ZNF202: variants seen among roughly 807,000 people sequenced by gnomAD.
The protein encoded by ZNF202 is zinc finger protein 202.
A neutral mutation model predicts 54.5 loss-of-function variants in ZNF202; 22 were observed. The observed-to-expected ratio is 0.40, with a 90% CI of 0.29 to 0.58. ZNF202 has a LOEUF of 0.58. Among genes scored for constraint, ZNF202 ranks in the 20% least tolerant of loss-of-function variants. The probability of loss-of-function intolerance (pLI) is 0.39; values close to 1 mark genes in which losing one functional copy is unlikely to be tolerated. For synonymous variants in ZNF202, 294 were observed against 301.4 expected (o/e 0.98, Z 0.26); for missense variants, 644 against 805.5 (o/e 0.80, Z 2.43).
chr11:123,734,345 A>C (rs1791715), intron 3 of ZNF202, among the ~76,000 whole-genome samples: 103,658 of 151,998 alleles, frequency 0.68, 35,539 homozygotes, highest in Middle Eastern at 0.82. Context: ...ATACACAAAG[A>C]CCTTCAAAAG....
chr11:123,734,380 T>G (rs1861544583), intron 3 of ZNF202, among the ~76,000 whole-genome samples: 1 of 152,234 alleles, frequency 6.6e-6, no homozygotes, highest in Non-Finnish European at 1.5e-5. Flanking sequence ...CTCTCCTTCC[T>G]TCCATGACTG....
chr11:123,740,355 C>A (rs1939924), intron 2 of ZNF202, 62 bp downstream of exon 2: 150,562 of 152,466 alleles, frequency 0.99, 74,348 homozygotes, highest in Middle Eastern at 1. Flanking sequence ...AAAGTTATCC[C>A]AGACTGCTCC....
chr11:123,727,404 C>A (rs1412102971), intron 8 of ZNF202, 72 bp downstream of exon 8: 1 of 1,596,622 alleles, frequency 6.3e-7, no homozygotes, highest in Non-Finnish European at 8.5e-7. Context: ...CGGGGCCCTA[C>A]AGAGAGAGAG....
rs763130673 is a variant in ZNF202 at position 123,727,549 on chromosome 11, T to G, written c.879A>C (p.Glu293Asp). 6.2e-7 allele frequency: 1 copy of G among 1,614,164 alleles called. No individual in the cohort carries two copies. ...RPDEISQVREEEPWVPDIQEP... is the reference protein window; with the variant it reads ...RPDEISQVREDEPWVPDIQEP... ...CTTGGATATCTGGGACCCAAGGCTC[T>G]TCCTCTCTAACCTGGGAGATCTCAT... The change falls in exon 8 of 9, where the codon GAA becomes GAC. Residue 293 changes from glutamate to aspartate, a missense_variant. Glu to Asp is a conservative substitution (Grantham distance 45). This residue lies in a region of ZNF202 where 536 missense variants were observed against 635.3 expected (regional missense o/e 0.84). Transcript: ENST00000530393.
intron 3 of ZNF202, among the ~76,000 whole-genome samples, chr11:123,736,575 C>G (rs527920619): frequency 6.6e-6 from 1 of 152,160 alleles, no homozygotes; most frequent in African/African-American, 2.4e-5. Flanking sequence ...TTCTTTAAAA[C>G]GAAAGATTAG....
Position 123,727,589 on chromosome 11 carries a change from G to A in ZNF202, c.839C>T (p.Pro280Leu). The change falls in exon 8 of 9, where the codon CCA (proline) becomes CTA (leucine). Residue 280 changes from proline (P) to leucine (L), a missense_variant. Physicochemically the swap from Pro to Leu is moderately conservative, Grantham distance 98. Around this residue, in one of 3 missense-constraint regions of ZNF202, gnomAD observed 536 missense variants for 635.3 expected, o/e 0.84. Coordinates refer to ENST00000530393, the MANE Select transcript of ZNF202 (RefSeq NM_003455.4). The part of the protein sequence containing the change: ...DCGIVVSLSF[P>L]IPRPDEISQV... ...GGAGATCTCATCAGGTCTGGGGATT[G>A]GAAATGCTGCTCAAGAGAGGGAAAA... The A allele has an allele frequency of 6.2e-7, 1 of 1,614,074 alleles. No homozygotes were observed. The highest frequency in any genetic ancestry group is 8.5e-7 in the Non-Finnish European group (1 of 1,179,966).
At position 123,726,830 on chromosome 11, in the gene ZNF202, T is replaced by C. The variant is rs1861167143; in HGVS notation, c.1114A>G (p.Thr372Ala). 3 of 1,614,240 alleles carry C rather than the reference T, an allele frequency of 1.9e-6. No individual in the cohort carries two copies. The highest frequency in any genetic ancestry group is 2.5e-6 in the Non-Finnish European group (3 of 1,180,040). The change falls in exon 9 of 9, where the codon ACT (threonine) becomes GCT (alanine). Residue 372 changes from threonine to alanine, a missense_variant. Coordinates refer to ENST00000530393, the MANE Select transcript of ZNF202 (RefSeq NM_003455.4). This position sits in a 1 kb window ranked among gnomAD's most constrained non-coding sequence, Gnocchi z 6.0. Reference protein sequence around the residue: ...PGRLNERRFGTNISQVNSFVN... With the variant: ...PGRLNERRFGANISQVNSFVN... ...AAACTATTCACTTGAGAAATATTAG[T>C]ACCAAATCTTCTTTCATTAAGTCTA...
chr11:123,738,427 T>A (rs771400788), intron 3 of ZNF202, among the ~76,000 whole-genome samples: 1 of 152,190 alleles, frequency 6.6e-6, no homozygotes, highest in African/African-American at 2.4e-5. Flanking sequence ...CCAGAGCAGT[T>A]AATGGCCTAA....
Position 123,726,179 on chromosome 11 carries a change from A to G in ZNF202, c.1765T>C (p.Ser589Pro), listed in dbSNP as rs761391286. 1 of 1,614,176 alleles carries G rather than the reference A, an allele frequency of 6.2e-7. No homozygotes were observed. Among genetic ancestry groups the G allele is most frequent in the Non-Finnish European group, 8.5e-7 (1 of 1,180,026 alleles). ...TCGTTGCATCGGCAGGGCCTCACTG[A>G]GGCGTGTCCTCTCAAGTGCTTGGCG... ...AFAKHLRGHA[S>P]VRPCRCNECG... The change falls in exon 9 of 9, where the codon TCA becomes CCA. Residue 589 changes from serine to proline, a missense_variant. Transcript: ENST00000530393. The surrounding 1 kb of genome is among the most constrained non-coding windows in gnomAD (Gnocchi z 6.0).
At position 123,728,153 on chromosome 11, in the gene ZNF202, C is replaced by T; in HGVS notation, c.812G>A (p.Cys271Tyr). 1 of 1,611,352 alleles carries T rather than the reference C, an allele frequency of 6.2e-7. No homozygotes were observed. The highest frequency in any genetic ancestry group is 8.5e-7 in the Non-Finnish European group (1 of 1,178,342). Reference sequence around the variant, plus strand: ...CTTACACAGAGAGACAACAATTCCACAGTCTTCTTCCAAGACATATTCTCC... The same window carrying T: ...CTTACACAGAGAGACAACAATTCCATAGTCTTCTTCCAAGACATATTCTCC... ...FYGEYVLEED[C>Y]GIVVSLSFPI... Residue 271 changes from cysteine to tyrosine, a missense_variant, in exon 7 of 9, where the codon TGT becomes TAT. Cys to Tyr is a radical substitution (Grantham distance 194, BLOSUM62 -2). Coordinates refer to ENST00000530393, the MANE Select transcript of ZNF202 (RefSeq NM_003455.4).
At chr11:123,729,549 CCGAGAAA>C in intron 5 of ZNF202, 59 bp downstream of exon 5, 1 of 306,788 alleles carries the variant, frequency 3.3e-6, no homozygotes, top group African/African-American at 9.1e-5. Flanking sequence ...GGAGAAATGT[CCGAGAAA>C]TGTCCCCCTC....
chr11:123,729,310 G>T, intron 5 of ZNF202, 96 bp from the exon 6 acceptor site: 1 of 1,263,344 alleles, frequency 7.9e-7, no homozygotes, highest in Non-Finnish European at 1.1e-6. Flanking sequence ...TAGGAAGGTG[G>T]CCCTATCCTT....
chr11:123,735,584 C>T (rs1861599892), intron 3 of ZNF202, among the ~76,000 whole-genome samples: 1 of 152,144 alleles, frequency 6.6e-6, no homozygotes, highest in Admixed American at 6.5e-5. Flanking sequence ...CAGCACCAAA[C>T]TGGGTATCCA....
chr11:123,727,995 TA>T, intron 7 of ZNF202, 137 bp downstream of exon 7: 1 of 976,582 alleles, frequency 1.0e-6, no homozygotes, highest in Non-Finnish European at 1.5e-6. Context: ...ATTTTTCACC[TA>T]ATCCCTCAAT....
chr11:123,734,742 T>G (rs1861560111), intron 3 of ZNF202, among the ~76,000 whole-genome samples: 1 of 152,102 alleles, frequency 6.6e-6, no homozygotes, highest in South Asian at 2.1e-4. Flanking sequence ...CACTTCACAT[T>G]TGATGAATGC....
Position 123,726,025 on chromosome 11 carries a change from T to C in ZNF202, c.1919A>G (p.Gln640Arg). 6.2e-7 allele frequency: 1 copy of C among 1,613,822 alleles called. No individual in the cohort carries two copies. The change falls in exon 9 of 9, where the codon CAG becomes CGG. Residue 640 changes from glutamine to arginine, a missense_variant. Coordinates refer to ENST00000530393, the MANE Select transcript of ZNF202 (RefSeq NM_003455.4). The surrounding 1 kb of genome is among the most constrained non-coding windows in gnomAD (Gnocchi z 6.0). ...FSRGYHLIRH[Q>R]RTHSEKTS ...GGAGGTCTTTTCTGAGTGGGTCCTCTGATGCCTAATTAAGTGATATCCTCT... is the reference window on the plus strand; with the variant it reads ...GGAGGTCTTTTCTGAGTGGGTCCTCCGATGCCTAATTAAGTGATATCCTCT...
At chr11:123,727,692 CATAGCTAGCTCAGGTG>C in intron 7 of ZNF202, 97 bp from the exon 8 acceptor site, 1 of 1,466,178 alleles carries the variant, frequency 6.8e-7, no homozygotes, top group South Asian at 1.2e-5. Flanking sequence ...GGGGCAAATA[CATAGCTAGCTCAGGTG>C]ATGAAATCTT....
chr11:123,737,822 G>A (rs76575174), intron 3 of ZNF202, among the ~76,000 whole-genome samples: 1,835 of 152,214 alleles, frequency 0.012, 21 homozygotes, highest in African/African-American at 0.04. Flanking sequence ...GACAAGTCAC[G>A]GCAGCTCATG....
intron 3 of ZNF202, among the ~76,000 whole-genome samples, chr11:123,731,895 A>T (rs1054262910): frequency 1.3e-5 from 2 of 152,212 alleles, no homozygotes; most frequent in African/African-American, 2.4e-5. Flanking sequence ...TGGGAATGAC[A>T]CGAAGCTCTT....
Sources: gnomAD v4.1 joint callset for allele counts (sites outside exome capture counted in the v4.1 genomes callset) on GRCh38, gnomAD v4.1.1 for gene constraint, gnomAD v4.1.1 regional missense constraint, Gnocchi (gnomAD v3.1) non-coding constraint, MANE v1.5 for transcripts, NCBI Gene and HGNC (gene_info 2026-07-23, HGNC 2026-07-21) for gene names.